The following MEGF9 variants were observed in gnomAD, a reference collection of about 807,000 sequenced individuals.
MEGF9 encodes the protein multiple EGF like domains 9.
A neutral mutation model predicts 46.8 loss-of-function variants in MEGF9; 6 were observed. That is an observed-to-expected ratio of 0.13 (90% CI 0.07 to 0.25). The LOEUF (loss-of-function observed/expected upper bound fraction) is 0.25. MEGF9 is among the 10% of genes least tolerant of loss of function. The pLI is 1.00. For synonymous variants in MEGF9, 302 were observed against 330.7 expected (o/e 0.91, Z 0.94); for missense variants, 683 against 792.4 (o/e 0.86, Z 1.66).
intron 2 of MEGF9, among the ~76,000 whole-genome samples, chr9:120,631,788 T>C (rs1262452629): frequency 6.6e-6 from 1 of 152,164 alleles, no homozygotes; most frequent in Non-Finnish European, 1.5e-5. Flanking sequence ...CCCGGCCCTG[T>C]ATTTTCTATT....
intron 2 of MEGF9, among the ~76,000 whole-genome samples, chr9:120,632,392 T>C (rs970597868): frequency 6.6e-6 from 1 of 151,968 alleles, no homozygotes; most frequent in East Asian, 1.9e-4. Flanking sequence ...AATTTCTTTT[T>C]CCACTATTTC....
chr9:120,621,005 G>A (rs1460217418), intron 3 of MEGF9, among the ~76,000 whole-genome samples: 1 of 152,094 alleles, frequency 6.6e-6, no homozygotes, highest in Non-Finnish European at 1.5e-5. Flanking sequence ...TGTCAGACTA[G>A]TGTGTCCTGA....
intron 2 of MEGF9, among the ~76,000 whole-genome samples, chr9:120,630,810 T>C (rs2043547493): frequency 6.6e-6 from 1 of 152,248 alleles, no homozygotes; most frequent in Admixed American, 6.5e-5. Flanking sequence ...AAATGTTAAT[T>C]CAGCTCCTTT....
chr9:120,641,039 T>A lies in MEGF9; in HGVS notation c.804-18284A>T, dbSNP rs142636077. Reference sequence around the variant, plus strand: ...CATGTTGCTGCAACAGATATGATTTTGTTCTTTTTTACAGCTGCATAGTAT... The same window carrying A: ...CATGTTGCTGCAACAGATATGATTTAGTTCTTTTTTACAGCTGCATAGTAT... On this transcript the variant is annotated intron_variant, in intron 2 of 5. Coordinates refer to ENST00000373930, the MANE Select transcript of MEGF9 (RefSeq NM_001080497.3). Among the ~76,000 whole-genome samples, 201 of 152,326 alleles carry A rather than the reference T, an allele frequency of 1.3e-3. 2 individuals carry two copies. The highest frequency in any genetic ancestry group is 2.0e-3 in the Admixed American group (31 of 15,302).
At chr9:120,684,976 A>T (rs1164918614) in intron 1 of MEGF9, among the ~76,000 whole-genome samples, 1 of 151,944 alleles carries the variant, frequency 6.6e-6, no homozygotes, top group Admixed American at 6.6e-5. Context: ...TTGGGACTAC[A>T]GGCGCCCACC....
At chr9:120,700,943 T>TA (rs2043901932) in intron 1 of MEGF9, among the ~76,000 whole-genome samples, 2 of 150,370 alleles carry the variant, frequency 1.3e-5, no homozygotes, top group African/African-American at 4.9e-5. Flanking sequence ...TAATAATAAT[T>TA]AATTTAAAAA....
chr9:120,651,340 A>G (rs1189608134), intron 2 of MEGF9, among the ~76,000 whole-genome samples: 1 of 152,232 alleles, frequency 6.6e-6, no homozygotes, highest in South Asian at 2.1e-4. Context: ...TCTTTGCTCA[A>G]TATCTGAGAT....
intron 2 of MEGF9, among the ~76,000 whole-genome samples, chr9:120,628,737 T>C (rs534282095): frequency 3.9e-5 from 6 of 152,278 alleles, no homozygotes; most frequent in African/African-American, 1.4e-4. Flanking sequence ...TTTATTATAT[T>C]GGACAGTGGC....
At chr9:120,627,185 G>C (rs1433357228) in intron 2 of MEGF9, among the ~76,000 whole-genome samples, 1 of 152,114 alleles carries the variant, frequency 6.6e-6, no homozygotes, top group African/African-American at 2.4e-5. Context: ...AACAGTTTTG[G>C]GGGAAAAAAT....
At position 120,602,116 on chromosome 9, in the gene MEGF9, T is replaced by G. The variant is rs1228881558; in HGVS notation, c.*3074A>C. 1 of 152,274 alleles carries G rather than the reference T, an allele frequency of 6.6e-6. No individual in the cohort carries two copies. Among genetic ancestry groups the G allele is most frequent in the Non-Finnish European group, 1.5e-5 (1 of 68,136 alleles). The allele number at this position is 152,274 out of a possible 1,614,324, so 9.4% of individuals were successfully genotyped here. Reference sequence around the variant, plus strand: ...CCTCTGCCTCCCAGGTTCAAGTGATTCTCCTGCCTCAGCCTCCCAAGTAGC... The same window carrying G: ...CCTCTGCCTCCCAGGTTCAAGTGATGCTCCTGCCTCAGCCTCCCAAGTAGC... On this transcript the variant is annotated 3_prime_UTR_variant, in exon 6 of 6. Transcript: ENST00000373930.
intron 2 of MEGF9, among the ~76,000 whole-genome samples, chr9:120,641,838 A>T (rs1429032407): frequency 6.6e-6 from 1 of 152,176 alleles, no homozygotes; most frequent in African/African-American, 2.4e-5. Flanking sequence ...TATCAATTCT[A>T]ACCTAAGAAG....
intron 1 of MEGF9, among the ~76,000 whole-genome samples, chr9:120,663,250 T>C (rs1029496956): frequency 1.3e-5 from 2 of 152,208 alleles, no homozygotes; most frequent in Non-Finnish European, 2.9e-5. Flanking sequence ...AACTCAGAAC[T>C]TAAGGCCCGT....
intron 1 of MEGF9, among the ~76,000 whole-genome samples, chr9:120,695,554 A>C (rs1270974671): frequency 6.9e-6 from 1 of 145,796 alleles, no homozygotes; most frequent in Non-Finnish European, 1.5e-5. Flanking sequence ...CAGTGAGCCC[A>C]GATCACACCA....
At chr9:120,682,330 T>G (rs1299135837) in intron 1 of MEGF9, among the ~76,000 whole-genome samples, 1 of 152,200 alleles carries the variant, frequency 6.6e-6, no homozygotes, top group Non-Finnish European at 1.5e-5. Flanking sequence ...CAGATTTGCC[T>G]TACTGTCCCT....
At chr9:120,639,375 G>A (rs973135770) in intron 2 of MEGF9, among the ~76,000 whole-genome samples, 5 of 151,910 alleles carry the variant, frequency 3.3e-5, no homozygotes, top group South Asian at 2.1e-4. Context: ...CGGGCATGGC[G>A]GCATGCGCTT....
chr9:120,694,052 C>G (rs1018844760), intron 1 of MEGF9, among the ~76,000 whole-genome samples: 1 of 151,960 alleles, frequency 6.6e-6, no homozygotes, highest in African/African-American at 2.4e-5. Flanking sequence ...GAGTAGTAAA[C>G]AGATATATGA....
intron 1 of MEGF9, among the ~76,000 whole-genome samples, chr9:120,692,329 A>C (rs570981942): frequency 6.6e-6 from 1 of 152,350 alleles, no homozygotes; most frequent in South Asian, 2.1e-4. Context: ...CAAGTAAAAT[A>C]GGTTTCAAAT....
intron 1 of MEGF9, among the ~76,000 whole-genome samples, chr9:120,672,890 G>C (rs930339885): frequency 8.5e-5 from 13 of 152,134 alleles, no homozygotes; most frequent in African/African-American, 3.1e-4. Flanking sequence ...GGGTGTGGTG[G>C]TGCATGCCTG....
At chr9:120,708,331 C>G (rs1236874981) in intron 1 of MEGF9, among the ~76,000 whole-genome samples, 1 of 152,222 alleles carries the variant, frequency 6.6e-6, no homozygotes, top group East Asian at 1.9e-4. Context: ...CACCACTGCA[C>G]TCCAGCCTGG....
Sources: gnomAD v4.1 joint callset for allele counts (sites outside exome capture counted in the v4.1 genomes callset) on GRCh38, gnomAD v4.1.1 for gene constraint, MANE v1.5 for transcripts, NCBI Gene and HGNC (gene_info 2026-07-23, HGNC 2026-07-21) for gene names.